The following SCLY variants were observed in gnomAD, a reference collection of about 807,000 sequenced individuals.
SCLY encodes selenocysteine lyase, also known as putative selenocysteine lyase.
Under a neutral mutation model 50.1 loss-of-function variants are expected in SCLY, and 38 were observed. That is an observed-to-expected ratio of 0.76 (90% CI 0.59 to 0.99). The LOEUF is 0.99. Among genes scored for constraint, SCLY ranks in the 50% least tolerant of loss-of-function variants. SCLY has a pLI of 0.00. For missense variants in SCLY, 600 were observed against 620.0 expected (o/e 0.97, Z 0.34); for synonymous variants, 243 against 249.4 (o/e 0.97, Z 0.24).
intron 10 of SCLY, 64 bp downstream of exon 10, chr2:238,094,586 G>T: frequency 7.4e-7 from 1 of 1,346,936 alleles, no homozygotes; most frequent in South Asian, 1.2e-5. Flanking sequence ...GTGGATTCTG[G>T]TCCGAGCCAG....
intron 1 of SCLY, among the ~76,000 whole-genome samples, chr2:238,063,914 T>C (rs986784811): frequency 2.4e-4 from 37 of 151,996 alleles, no homozygotes; most frequent in Non-Finnish European, 7.4e-5. Context: ...AGAGTGTTTG[T>C]TATTAGAGAC....
chr2:238,082,175 T>C lies in SCLY; in HGVS notation c.743T>C (p.Leu248Pro), dbSNP rs375406062. 1.9e-6 allele frequency: 3 copies of C among 1,611,366 alleles called. No individual in the cohort carries two copies. The African/African-American group carries it at 4.0e-5, about 22-fold the overall frequency. Residue 248 changes from leucine to proline, a missense_variant, in exon 6 of 12, where the codon CTG becomes CCG. Coordinates refer to ENST00000254663, the MANE Select transcript of SCLY (RefSeq NM_016510.7). ...LGKQRVDVED[L>P]GVDFLTIVGH... ...AAGCAGCGCGTGGATGTGGAGGACCTGGGCGTGGACTTCCTTACAATCGTG... is the reference window on the plus strand; with the variant it reads ...AAGCAGCGCGTGGATGTGGAGGACCCGGGCGTGGACTTCCTTACAATCGTG...
chr2:238,094,916 G>A, intron 10 of SCLY: 1 of 181,340 alleles, frequency 5.5e-6, no homozygotes, highest in Non-Finnish European at 1.1e-5. Flanking sequence ...TTAAAAACTG[G>A]CAGAGGCTGG....
At chr2:238,065,007 T>C (rs2065055023) in intron 2 of SCLY, 1 of 152,242 alleles carries the variant, frequency 6.6e-6, no homozygotes, top group Non-Finnish European at 1.5e-5. Context: ...CAGAGTTACA[T>C]TCTGTTTTTC....
Position 238,069,590 on chromosome 2 carries a change from C to A in SCLY, c.484+113C>A. ...GCTGCAGAGATGTAGATTCAGTGTGCCACTCACTGTAACTCACTGGTTCTG... is the reference window on the plus strand; with the variant it reads ...GCTGCAGAGATGTAGATTCAGTGTGACACTCACTGTAACTCACTGGTTCTG... On this transcript the variant is annotated intron_variant, in intron 4 of 11. Transcript: ENST00000254663. The surrounding 1 kb of genome is among the most constrained non-coding windows in gnomAD (Gnocchi z 5.0). 1 of 991,894 alleles carries A rather than the reference C, an allele frequency of 1.0e-6. No individual in the cohort carries two copies. The highest frequency in any genetic ancestry group is 1.4e-6 in the Non-Finnish European group (1 of 691,656). The allele number at this position is 991,894 out of a possible 1,614,324, so 61.4% of individuals were successfully genotyped here. A position where few individuals can be genotyped will look rare whatever the true frequency, so the allele number is the denominator to read the frequency against.
At chr2:238,078,428 A>G (rs1279068875) in intron 4 of SCLY, 1 of 152,106 alleles carries the variant, frequency 6.6e-6, no homozygotes, top group African/African-American at 2.4e-5. Flanking sequence ...CTTTTGCATT[A>G]ACGAATATTT....
chr2:238,085,322 T>C, intron 7 of SCLY, among the ~76,000 whole-genome samples: 1 of 151,946 alleles, frequency 6.6e-6, no homozygotes, highest in Admixed American at 6.6e-5. Context: ...AGCCAAAATA[T>C]AAAGCTCAGT....
chr2:238,097,568 G>A (rs554259706), intron 11 of SCLY, among the ~76,000 whole-genome samples: 7 of 152,202 alleles, frequency 4.6e-5, no homozygotes, highest in Non-Finnish European at 7.4e-5. Flanking sequence ...CACCTGGAGC[G>A]AGACAGTGGT....
At chr2:238,085,703 C>T (rs933946239) in intron 7 of SCLY, among the ~76,000 whole-genome samples, 1 of 152,012 alleles carries the variant, frequency 6.6e-6, no homozygotes. Context: ...GCCTGGGCAA[C>T]AGAGCGGGAC....
In SCLY at chr2:238,098,382, T is replaced by C. The variant is rs2106459147; in HGVS notation, c.*27T>C. ...ACTGGGGCCGCCTTCCCCACCCCGC[T>C]TCTGGGAAGCCCGTGGCAGGGCACA... On this transcript the variant is annotated 3_prime_UTR_variant, in exon 12 of 12. Transcript: ENST00000254663. The C allele has an allele frequency of 6.4e-7, 1 of 1,566,678 alleles. No individual in the cohort carries two copies. Among genetic ancestry groups the C allele is most frequent in the South Asian group, 1.2e-5 (1 of 86,956 alleles).
chr2:238,098,050 G>C, intron 11 of SCLY, 152 bp from the exon 12 acceptor site: 1 of 847,838 alleles, frequency 1.2e-6, no homozygotes, highest in East Asian at 2.7e-5. Flanking sequence ...GGTGTGCTTG[G>C]TCTGGGAGTT....
chr2:238,067,756 A>G lies in SCLY; in HGVS notation c.203-309A>G, dbSNP rs2065083793. Among the ~76,000 whole-genome samples the G allele has an allele frequency of 6.6e-6, 1 of 152,186 alleles. No individual in the cohort carries two copies. Among genetic ancestry groups the G allele is most frequent in the African/African-American group, 2.4e-5 (1 of 41,436 alleles). Reference sequence around the variant, plus strand: ...AGATGGCCACAGCTGCCCTCCCTCTAGCATCCAGTAAGAAGAAAGCCACAT... The same window carrying G: ...AGATGGCCACAGCTGCCCTCCCTCTGGCATCCAGTAAGAAGAAAGCCACAT... On this transcript the variant is annotated intron_variant, in intron 2 of 11. Coordinates refer to ENST00000254663, the MANE Select transcript of SCLY (RefSeq NM_016510.7). The surrounding 1 kb of genome is among the most constrained non-coding windows in gnomAD (Gnocchi z 4.3).
At chr2:238,062,406 ATT>A (rs11335455) in intron 1 of SCLY, among the ~76,000 whole-genome samples, 43,988 of 145,270 alleles carry the variant, frequency 0.3, 6,486 homozygotes, top group East Asian at 0.4. Context: ...CTATTGAGTG[ATT>A]TTTTTTTTTT....
At chr2:238,096,529 T>TTA (rs2065438329) in intron 10 of SCLY, among the ~76,000 whole-genome samples, 1 of 152,200 alleles carries the variant, frequency 6.6e-6, no homozygotes, top group South Asian at 2.1e-4. Flanking sequence ...ACTCCAGGTG[T>TTA]CTTAGCAGGC....
rs1264957095 is a variant in SCLY, at chr2:238,076,341, C to T, written c.485-5368C>T. ...TCCTGAACTCAAGTGACCCACCCAC[C>T]TTGGCCTCCAAAAGTGCTGGGATTA... On this transcript the variant is annotated intron_variant, in intron 4 of 11. Transcript: ENST00000254663. Among the ~76,000 whole-genome samples the T allele has an allele frequency of 2.0e-5, 3 of 152,180 alleles. No individual in the cohort carries two copies. The East Asian group carries it at 5.8e-4, about 29-fold the overall frequency.
intron 1 of SCLY, 31 bp downstream of exon 1, chr2:238,061,174 G>A: frequency 6.9e-7 from 1 of 1,453,520 alleles, no homozygotes; most frequent in Non-Finnish European, 9.3e-7. Context: ...GCTGGGGAGC[G>A]GCCGGCGCCT....
At chr2:238,082,263 CT>C in intron 6 of SCLY, 54 bp downstream of exon 6, 1 of 1,505,036 alleles carries the variant, frequency 6.6e-7, no homozygotes, top group Non-Finnish European at 9.0e-7. Context: ...GCGCAGGTGG[CT>C]GTTTACTCCT....
At chr2:238,082,312 T>C in intron 6 of SCLY, 103 bp downstream of exon 6, 1 of 1,213,460 alleles carries the variant, frequency 8.2e-7, no homozygotes, top group African/African-American at 1.5e-5. Context: ...GAGCCAGGCC[T>C]TGGGGGCACT....
At chr2:238,076,476 GT>G (rs34726652) in intron 4 of SCLY, among the ~76,000 whole-genome samples, 48,858 of 151,494 alleles carry the variant, frequency 0.32, 8,024 homozygotes, top group East Asian at 0.52. Context: ...GTTTTAGTAT[GT>G]TGTGTCTTCA....
Sources: gnomAD v4.1 joint callset for allele counts (sites outside exome capture counted in the v4.1 genomes callset) on GRCh38, gnomAD v4.1.1 for gene constraint, Gnocchi (gnomAD v3.1) non-coding constraint, MANE v1.5 for transcripts, NCBI Gene and HGNC (gene_info 2026-07-23, HGNC 2026-07-21) for gene names.